The following CAST variants were observed in gnomAD, a reference collection of about 807,000 sequenced individuals.
The protein encoded by CAST is calpastatin, also known as MIR583 host.
A neutral mutation model predicts 119.6 loss-of-function variants in CAST; 76 were observed. That is an observed-to-expected ratio of 0.64 (90% CI 0.53 to 0.77). The LOEUF (loss-of-function observed/expected upper bound fraction) is 0.77, where lower values mean the gene tolerates loss of function less well. CAST is among the 30% of genes least tolerant of loss of function. CAST has a pLI of 0.00. For synonymous variants in CAST, 319 were observed against 331.6 expected (o/e 0.96, Z 0.41); for missense variants, 953 against 946.5 (o/e 1.01, Z -0.09).
At chr5:96,106,011 GT>G in the CAST span, among the ~76,000 whole-genome samples, 1 of 152,156 alleles carries the variant, frequency 6.6e-6, no homozygotes, top group South Asian at 2.1e-4. Flanking sequence ...AGATTTTGTA[GT>G]TTATTTGCGT....
intron 2 of CAST, among the ~76,000 whole-genome samples, chr5:96,676,471 T>A (rs1750723534): frequency 1.3e-5 from 2 of 152,182 alleles, no homozygotes; most frequent in Admixed American, 1.3e-4. Flanking sequence ...AGTCAATATG[T>A]AAGGAGGCTG....
intron 1 of CAST, among the ~76,000 whole-genome samples, chr5:96,667,682 C>T (rs1488776947): frequency 6.6e-6 from 1 of 152,216 alleles, no homozygotes; most frequent in Non-Finnish European, 1.5e-5. Context: ...GCAGTTAATC[C>T]TTAATATATA....
intron 25 of CAST, among the ~76,000 whole-genome samples, chr5:96,763,551 A>G (rs573858284): frequency 1.3e-5 from 2 of 152,352 alleles, no homozygotes; most frequent in East Asian, 3.8e-4. Flanking sequence ...TTTAAGAAGT[A>G]GGTTTTACAA....
the CAST span, among the ~76,000 whole-genome samples, chr5:96,347,798 G>T: frequency 5.9e-5 from 9 of 152,256 alleles, no homozygotes; most frequent in Non-Finnish European, 1.2e-4. Context: ...TAAAACCAGG[G>T]AAGAGGCACA....
chr5:96,561,387 TA>T (rs1164042987), intron 1 of CAST, among the ~76,000 whole-genome samples: 1 of 146,002 alleles, frequency 6.8e-6, no homozygotes, highest in Admixed American at 6.8e-5. Context: ...ATAAAAAAAT[TA>T]AAAAGAATGA....
chr5:96,238,870 G>A, the CAST span, among the ~76,000 whole-genome samples: 1 of 152,092 alleles, frequency 6.6e-6, no homozygotes, highest in Admixed American at 6.6e-5. Flanking sequence ...CAATATGTTG[G>A]ATTGAAAATG....
the CAST span, among the ~76,000 whole-genome samples, chr5:95,965,550 T>C: frequency 6.6e-6 from 1 of 152,208 alleles, no homozygotes; most frequent in Admixed American, 6.5e-5. Flanking sequence ...TAGAACCTTA[T>C]AGAGTTATAG....
Position 96,741,348 on chromosome 5 carries a change from C to A in CAST, c.1001C>A (p.Thr334Asn), listed in dbSNP as rs1310956870. 6.2e-7 allele frequency: 1 copy of A among 1,607,344 alleles called. No homozygotes were observed. Among genetic ancestry groups the A allele is most frequent in the African/African-American group, 1.3e-5 (1 of 74,884 alleles). ...TCGCCTACAGCTGCTGGAAAGAAAA[C>A]TGAAAAAGAGGTATTGTTTTTAGTG... Reference protein sequence around the residue: ...CGSPTAAGKKTEKEESTEVLK... With the variant: ...CGSPTAAGKKNEKEESTEVLK... Residue 334 changes from threonine (T) to asparagine (N), a missense_variant, in exon 14 of 32, where the codon ACT becomes AAT. Thr to Asn is a moderately conservative substitution (Grantham distance 65, BLOSUM62 0). Coordinates refer to ENST00000675179, the MANE Select transcript of CAST (RefSeq NM_001750.7).
the CAST span, among the ~76,000 whole-genome samples, chr5:96,325,739 C>T: frequency 1.9e-4 from 29 of 152,256 alleles, no homozygotes; most frequent in South Asian, 4.1e-4. Context: ...CTTGGCTTCC[C>T]GAGGTGCTCG....
chr5:96,463,371 A>G, the CAST span, among the ~76,000 whole-genome samples: 1 of 152,062 alleles, frequency 6.6e-6, no homozygotes, highest in Non-Finnish European at 1.5e-5. Context: ...TTTTTGATTT[A>G]CAAAAGGACA....
At chr5:96,432,076 T>C in the CAST span, 1 of 1,528,472 alleles carries the variant, frequency 6.5e-7, no homozygotes. Flanking sequence ...GGAAAACGAT[T>C]ACGTACTTGG....
intron 19 of CAST, among the ~76,000 whole-genome samples, chr5:96,749,419 GA>G (rs1390329634): frequency 6.6e-6 from 1 of 152,214 alleles, no homozygotes; most frequent in Non-Finnish European, 1.5e-5. Flanking sequence ...TAAGTTCCTT[GA>G]ACGAAGAGAT....
chr5:96,662,473 AGCC>A lies in CAST; in HGVS notation c.58_60del (p.Ala20del). 1 of 1,430,420 alleles carries A rather than the reference AGCC, an allele frequency of 7.0e-7. No homozygotes were observed. The highest frequency in any genetic ancestry group is 1.5e-5 in the African/African-American group (1 of 67,294). The allele number at this position is 1,430,420 out of a possible 1,614,324, so 88.6% of individuals were successfully genotyped here. ...CCGCCTCCCCGCGGCCCCGGCGAGC[AGCC>A]GCCGCCCGCCGCACCCATGAGGTGA... On this transcript the variant is annotated inframe_deletion, in exon 1 of 32. Transcript: ENST00000675179.
chr5:95,996,656 A>C, the CAST span, among the ~76,000 whole-genome samples: 1 of 152,198 alleles, frequency 6.6e-6, no homozygotes, highest in Admixed American at 6.5e-5. Context: ...TATAATGGCA[A>C]TGATTCTCAA....
chr5:96,157,245 C>G, the CAST span, among the ~76,000 whole-genome samples: 259 of 152,292 alleles, frequency 1.7e-3, no homozygotes, highest in African/African-American at 6.0e-3. Flanking sequence ...TGTGTGATCA[C>G]TAGCAAGCCA....
chr5:96,270,952 C>T, the CAST span, among the ~76,000 whole-genome samples: 2 of 150,868 alleles, frequency 1.3e-5, no homozygotes, highest in Non-Finnish European at 3.0e-5. Context: ...GATACAAAAG[C>T]AACACACAAA....
At chr5:96,617,046 T>C (rs943999249) in intron 1 of CAST, among the ~76,000 whole-genome samples, 3 of 152,204 alleles carry the variant, frequency 2.0e-5, no homozygotes, top group Admixed American at 2.0e-4. Flanking sequence ...GGCCATTGCT[T>C]GAATCATAGG....
At chr5:96,277,211 G>A in the CAST span, among the ~76,000 whole-genome samples, 1 of 152,160 alleles carries the variant, frequency 6.6e-6, no homozygotes, top group African/African-American at 2.4e-5. Flanking sequence ...ATGTCTAGAA[G>A]TATAATTAAT....
chr5:96,425,755 A>T, the CAST span: 1 of 886,044 alleles, frequency 1.1e-6, no homozygotes, highest in Non-Finnish European at 1.9e-6. Context: ...CCATGTTGCA[A>T]ATGTAACAAC....
Sources: allele counts gnomAD v4.1 joint callset (sites outside exome capture counted in the v4.1 genomes callset), GRCh38; gene constraint gnomAD v4.1.1; transcripts MANE v1.5; gene names NCBI Gene and HGNC (gene_info 2026-07-23, HGNC 2026-07-21).